The following AFDN variants were observed in gnomAD, a reference collection of about 807,000 sequenced individuals.
AFDN encodes afadin, adherens junction formation factor.
In AFDN, 68 loss-of-function variants were observed where a neutral mutation model predicts 216.6. The ratio of observed to expected loss-of-function variants is 0.31; its 90% CI spans 0.26 to 0.38. AFDN has a LOEUF of 0.38. Ranked by LOEUF, AFDN falls within the 10% of genes least tolerant of loss-of-function variation. AFDN has a pLI of 1.00. For missense variants in AFDN, 2,136 were observed against 2,342.0 expected (o/e 0.91, Z 1.82); for synonymous variants, 868 against 853.7 (o/e 1.02, Z -0.29).
intron 12 of AFDN, among the ~76,000 whole-genome samples, chr6:167,905,963 G>T (rs1469949479): frequency 6.6e-6 from 1 of 152,142 alleles, no homozygotes. Flanking sequence ...AAATTAGCCG[G>T]GCGTGGTGGC....
chr6:167,874,466 AC>A (rs1562590140), intron 4 of AFDN, among the ~76,000 whole-genome samples: 2 of 152,136 alleles, frequency 1.3e-5, no homozygotes, highest in Non-Finnish European at 2.9e-5. Context: ...ATCATTCTGT[AC>A]ATTTGACTTC....
At chr6:167,932,879 A>G (rs901902325) in intron 23 of AFDN, 1 of 152,260 alleles carries the variant, frequency 6.6e-6, no homozygotes, top group African/African-American at 2.4e-5. Flanking sequence ...CTCATGAAGC[A>G]ACAACCGTTT....
chr6:167,951,405 A>C lies in AFDN; in HGVS notation c.4051A>C (p.Lys1351Gln), dbSNP rs1430496464. 5 of 1,613,984 alleles carry C rather than the reference A, an allele frequency of 3.1e-6. No individual in the cohort carries two copies. Among genetic ancestry groups the C allele is most frequent in the Admixed American group, 1.7e-5 (1 of 60,010 alleles). Residue 1351 changes from lysine to glutamine, a missense_variant, in exon 30 of 34, where the codon AAA (lysine) becomes CAA (glutamine). By Grantham distance (53) the Lys-to-Gln change is moderately conservative. This residue lies in a region of AFDN where 981 missense variants were observed against 966.0 expected (regional missense o/e 1.02). Transcript: ENST00000683244. This position sits in a 1 kb window ranked among gnomAD's most constrained non-coding sequence, Gnocchi z 7.1. ...GACCAAAAGTGGCCCTGGCCGTTGG[A>C]AAACACCAGCAGCCATACCGGCCAC... ...TLTKSGPGRWKTPAAIPATPV... is the reference protein window; with the variant it reads ...TLTKSGPGRWQTPAAIPATPV...
At chr6:167,956,655 A>G (rs1245719724) in intron 30 of AFDN, among the ~76,000 whole-genome samples, 1 of 152,054 alleles carries the variant, frequency 6.6e-6, no homozygotes, top group Non-Finnish European at 1.5e-5. Context: ...TGTCTGCTTC[A>G]CTCACCTTGC....
intron 16 of AFDN, chr6:167,913,664 A>G (rs1368093720): frequency 2.6e-5 from 14 of 535,708 alleles, no homozygotes; most frequent in Non-Finnish European, 4.3e-5. Context: ...TCTTCTCTTT[A>G]TTATTTATCC....
In AFDN at chr6:167,915,412, T is replaced by C. The variant is rs368204612; in HGVS notation, c.2544T>C (p.Cys848=). The C allele has an allele frequency of 1.3e-5, 21 of 1,613,666 alleles. No individual in the cohort carries two copies. The highest frequency in any genetic ancestry group is 8.3e-5 in the Admixed American group (5 of 59,994). ...AGGGGCTGGAACTGGCTGCGGACTGTCATCTGAGCAGGATCGTGCAGGTGA... is the reference window on the plus strand; with the variant it reads ...AGGGGCTGGAACTGGCTGCGGACTGCCATCTGAGCAGGATCGTGCAGGTGA... The part of the protein sequence containing the change: ...EKQGLELAAD[C]HLSRIVQATT... The change falls in exon 19 of 34, where the codon TGT becomes TGC. Residue 848 remains cysteine, a synonymous_variant. Transcript: ENST00000683244.
chr6:167,936,746 C>A lies in AFDN; in HGVS notation c.3100-6383C>A, dbSNP rs188773905. Among the ~76,000 whole-genome samples, 11 of 152,248 alleles carry A rather than the reference C, an allele frequency of 7.2e-5. No homozygotes were observed. The East Asian group carries it at 1.9e-3, about 27-fold the overall frequency. On this transcript the variant is annotated intron_variant, in intron 23 of 33. Transcript: ENST00000683244. ...GAGTTTCTTTACTCTGCTCTTCCCC[C>A]AGTCAGGGTGCACATTCCAGTCCTG... is the stretch of plus-strand genomic sequence containing the variant.
At chr6:167,933,644 A>T (rs1436060804) in intron 23 of AFDN, among the ~76,000 whole-genome samples, 1 of 152,228 alleles carries the variant, frequency 6.6e-6, no homozygotes, top group Non-Finnish European at 1.5e-5. Flanking sequence ...ATGGCTTCTT[A>T]TGAATTTGGA....
chr6:167,937,247 T>C (rs1266335224), intron 23 of AFDN, among the ~76,000 whole-genome samples: 1 of 152,246 alleles, frequency 6.6e-6, no homozygotes, highest in Non-Finnish European at 1.5e-5. Context: ...CCGTATTCTT[T>C]ACTTGCACAT....
At chr6:167,878,607 GTCTC>G (rs10677317) in intron 5 of AFDN, among the ~76,000 whole-genome samples, 13 of 149,202 alleles carry the variant, frequency 8.7e-5, no homozygotes, top group Non-Finnish European at 1.8e-4. Context: ...CTCTCTCTCT[GTCTC>G]TCTCTCTCTC....
At position 167,898,472 on chromosome 6, in the gene AFDN, A is replaced by G. The variant is rs769658014; in HGVS notation, c.1580+5A>G. On this transcript the variant is annotated splice_donor_5th_base_variant and intron_variant, in intron 11 of 33. Coordinates refer to ENST00000683244, the MANE Select transcript of AFDN (RefSeq NM_001386888.1). ...GGGCCCAAGACATAAACCTGGGTAAATAGATTAACCCTAAGATTTAAAATG... is the reference window on the plus strand; with the variant it reads ...GGGCCCAAGACATAAACCTGGGTAAGTAGATTAACCCTAAGATTTAAAATG... 4.3e-6 allele frequency: 7 copies of G among 1,613,000 alleles called. No homozygotes were observed. Among genetic ancestry groups the G allele is most frequent in the East Asian group, 2.2e-5 (1 of 44,860 alleles).
chr6:167,971,840 ACTG>A lies in AFDN; in HGVS notation c.*1909_*1911del, dbSNP rs1428378171. 19 of 204,734 alleles carry A rather than the reference ACTG, an allele frequency of 9.3e-5. No individual in the cohort carries two copies. Among genetic ancestry groups the A allele is most frequent in the African/African-American group, 3.9e-4 (17 of 43,712 alleles). 12.7% of individuals were successfully genotyped at this position (204,734 alleles called of 1,614,324 possible). On this transcript the variant is annotated 3_prime_UTR_variant, in exon 34 of 34. Transcript: ENST00000683244. Reference sequence around the variant, plus strand: ...TGCATTACTATGAGAAAACATCAAAACTGCTGTAGTTTTCCATTTCTACTGTAT... The same window carrying A: ...TGCATTACTATGAGAAAACATCAAAACTGTAGTTTTCCATTTCTACTGTAT...
chr6:167,952,802 G>A lies in AFDN; in HGVS notation c.4833+615G>A, dbSNP rs138874994. Among the ~76,000 whole-genome samples the A allele has an allele frequency of 3.6e-3, 545 of 152,350 alleles. 4 individuals carry two copies. The highest frequency in any genetic ancestry group is 0.012 in the African/African-American group (512 of 41,586). The stretch of plus-strand genomic sequence containing the variant: ...CATTACCAAAAATAGAATCTTCACA[G>A]TAGTTGTACTGTTGATGAAGCAAGC... On this transcript the variant is annotated intron_variant, in intron 30 of 33. Transcript: ENST00000683244.
chr6:167,832,933 C>T (rs1327404986), intron 1 of AFDN, among the ~76,000 whole-genome samples: 1 of 152,292 alleles, frequency 6.6e-6, no homozygotes, highest in African/African-American at 2.4e-5. Context: ...CTATGTGGAA[C>T]CCTGTGAGTA....
intron 15 of AFDN, 130 bp from the exon 16 acceptor site, chr6:167,913,273 A>G (rs1383947276): frequency 1.2e-6 from 1 of 864,894 alleles, no homozygotes; most frequent in Non-Finnish European, 1.8e-6. Context: ...TTTTGGGAAT[A>G]ACATAACTAA....
In AFDN at chr6:167,944,014, G is replaced by A. The variant is rs759240178; in HGVS notation, c.3313G>A (p.Gly1105Ser). The change falls in exon 26 of 34, where the codon GGT becomes AGT. Residue 1105 changes from glycine to serine, a missense_variant. Coordinates refer to ENST00000683244, the MANE Select transcript of AFDN (RefSeq NM_001386888.1). ...EVAKQGAIYH[G>S]LATLLNQPSP... The stretch of plus-strand genomic sequence containing the variant: ...AGCAAAGCAGGGTGCCATCTACCAC[G>A]GTCTGGCCACCCTTCTCAATCAGCC... The A allele has an allele frequency of 5.0e-5, 80 of 1,614,000 alleles. 1 individual carries two copies. The highest frequency in any genetic ancestry group is 3.3e-4 in the South Asian group (30 of 91,068).
At chr6:167,965,274 G>A (rs1333017248) in intron 31 of AFDN, among the ~76,000 whole-genome samples, 1 of 152,092 alleles carries the variant, frequency 6.6e-6, no homozygotes, top group African/African-American at 2.4e-5. Context: ...TGGGGGCTCA[G>A]TGAAAAAGAG....
chr6:167,916,661 A>G (rs1469636616), intron 19 of AFDN, among the ~76,000 whole-genome samples: 1 of 151,938 alleles, frequency 6.6e-6, no homozygotes, highest in African/African-American at 2.4e-5. Context: ...TTTTTTTAGT[A>G]TTACGTATAA....
At chr6:167,911,772 T>G (rs980269595) in intron 15 of AFDN, 4 of 417,348 alleles carry the variant, frequency 9.6e-6, no homozygotes, top group Non-Finnish European at 1.8e-5. Flanking sequence ...GTAGAATTTT[T>G]TCTGTAAATA....
Sources: gnomAD v4.1 joint callset for allele counts (sites outside exome capture counted in the v4.1 genomes callset) on GRCh38, gnomAD v4.1.1 for gene constraint, gnomAD v4.1.1 regional missense constraint, Gnocchi (gnomAD v3.1) non-coding constraint, MANE v1.5 for transcripts, NCBI Gene and HGNC (gene_info 2026-07-23, HGNC 2026-07-21) for gene names.